CFAP299: variants seen among roughly 807,000 people sequenced by gnomAD.
CFAP299 encodes cilia and flagella associated protein 299.
A neutral mutation model predicts 27.0 loss-of-function variants in CFAP299; 21 were observed. That is an observed-to-expected ratio of 0.78 (90% confidence interval 0.55 to 1.12). CFAP299 has a LOEUF of 1.12. Among genes scored for constraint, CFAP299 ranks in the 50% most tolerant of loss-of-function variants. The pLI, the probability that CFAP299 is intolerant of heterozygous loss-of-function variation, is 0.00. For synonymous variants in CFAP299, 104 were observed against 98.1 expected, an observed-to-expected ratio of 1.06 and a Z score of -0.36; for missense variants, 310 against 276.6, an observed-to-expected ratio of 1.12 and a Z score of -0.86.
chr4:80,565,254 G>C (rs1254600828), intron 2 of CFAP299, among the ~76,000 whole-genome samples: 1 of 151,996 alleles, frequency 6.6e-6, no homozygotes, highest in East Asian at 1.9e-4. Context: ...CAGCAGCTGA[G>C]TGACTAACCT....
chr4:80,899,920 C>G (rs1331009547), intron 4 of CFAP299, among the ~76,000 whole-genome samples: 1 of 151,990 alleles, frequency 6.6e-6, no homozygotes, highest in East Asian at 1.9e-4. Context: ...AAGAGATGAA[C>G]ATTAAGAAAT....
intron 3 of CFAP299, among the ~76,000 whole-genome samples, chr4:80,777,814 C>T (rs2110088591): frequency 6.6e-6 from 1 of 152,154 alleles, no homozygotes; most frequent in Non-Finnish European, 1.5e-5. Context: ...GATAATACAA[C>T]ATTTATGATT....
intron 3 of CFAP299, among the ~76,000 whole-genome samples, chr4:80,655,501 G>A (rs1740509396): frequency 6.6e-6 from 1 of 152,114 alleles, no homozygotes; most frequent in Non-Finnish European, 1.5e-5. Flanking sequence ...CTGCAGCTGT[G>A]TTGGCTCCAC....
intron 3 of CFAP299, among the ~76,000 whole-genome samples, chr4:80,809,961 T>C (rs1729060987): frequency 6.6e-6 from 1 of 152,078 alleles, no homozygotes; most frequent in African/African-American, 2.4e-5. Flanking sequence ...TCTTTACCCA[T>C]AAAGTGAATG....
chr4:80,330,848 G>C (rs1721915944), upstream of CFAP299, among the ~76,000 whole-genome samples: 1 of 152,104 alleles, frequency 6.6e-6, no homozygotes, highest in Non-Finnish European at 1.5e-5. Context: ...TATAGAAAAA[G>C]CATTTTATTC....
chr4:80,859,592 T>G (rs996922638), intron 3 of CFAP299, among the ~76,000 whole-genome samples: 3 of 152,198 alleles, frequency 2.0e-5, no homozygotes, highest in African/African-American at 4.8e-5. Flanking sequence ...AGGAACTCTT[T>G]TAGGGCAGGC....
intron 2 of CFAP299, among the ~76,000 whole-genome samples, chr4:80,474,539 C>T (rs1730175447): frequency 6.6e-6 from 1 of 152,124 alleles, no homozygotes; most frequent in African/African-American, 2.4e-5. Flanking sequence ...TTCCACATCT[C>T]CCCATTCAGA....
chr4:80,591,135 T>A (rs1736753197), intron 3 of CFAP299, among the ~76,000 whole-genome samples: 1 of 144,342 alleles, frequency 6.9e-6, no homozygotes, highest in African/African-American at 2.5e-5. Context: ...TTTTTTTATT[T>A]TTTTTTGAGA....
chr4:80,578,430 GA>G (rs1414574124), intron 2 of CFAP299, among the ~76,000 whole-genome samples: 3 of 152,026 alleles, frequency 2.0e-5, no homozygotes, highest in African/African-American at 7.2e-5. Flanking sequence ...CTCTGCTTCG[GA>G]TAGCTTTGGA....
intron 2 of CFAP299, among the ~76,000 whole-genome samples, chr4:80,422,142 G>A (rs1009630981): frequency 1.3e-5 from 2 of 152,202 alleles, no homozygotes; most frequent in Non-Finnish European, 2.9e-5. Context: ...ATACTATCTT[G>A]TTTAATGTCT....
chr4:80,427,898 T>C (rs1304836448), intron 2 of CFAP299, among the ~76,000 whole-genome samples: 1 of 152,232 alleles, frequency 6.6e-6, no homozygotes, highest in African/African-American at 2.4e-5. Flanking sequence ...TTGATATTTA[T>C]TAATTTTTAT....
intron 3 of CFAP299, among the ~76,000 whole-genome samples, chr4:80,714,015 A>G (rs1451011413): frequency 6.6e-6 from 1 of 150,626 alleles, no homozygotes; most frequent in East Asian, 1.9e-4. Flanking sequence ...AGATAGTGGA[A>G]TATATATATA....
intron 4 of CFAP299, among the ~76,000 whole-genome samples, chr4:80,938,069 A>T (rs1737003577): frequency 6.6e-6 from 1 of 152,186 alleles, no homozygotes; most frequent in African/African-American, 2.4e-5. Context: ...ACACCTGTTT[A>T]TGATATATAT....
chr4:80,390,619 A>G (rs1313284520), intron 2 of CFAP299, among the ~76,000 whole-genome samples: 4 of 119,316 alleles, frequency 3.4e-5, no homozygotes, highest in Non-Finnish European at 7.6e-5. Context: ...ACATATGTAT[A>G]TATGTATATA....
chr4:80,523,232 T>C (rs952557174), intron 2 of CFAP299, among the ~76,000 whole-genome samples: 1 of 152,192 alleles, frequency 6.6e-6, no homozygotes, highest in Non-Finnish European at 1.5e-5. Flanking sequence ...AGTATTTTAT[T>C]ATTTCTGATG....
chr4:80,427,092 G>T (rs527804314), intron 2 of CFAP299, among the ~76,000 whole-genome samples: 1 of 152,042 alleles, frequency 6.6e-6, no homozygotes. Context: ...TGAGGAAAAC[G>T]GGATATCACA....
intron 4 of CFAP299, among the ~76,000 whole-genome samples, chr4:80,902,459 CATATATGT>C (rs1379131885): frequency 6.1e-4 from 70 of 114,318 alleles, no homozygotes; most frequent in South Asian, 8.7e-4. Context: ...TACATATATA[CATATATGT>C]ATATATGTAT....
chr4:80,343,615 C>T (rs1722574133), intron 1 of CFAP299, among the ~76,000 whole-genome samples: 1 of 151,762 alleles, frequency 6.6e-6, no homozygotes. Flanking sequence ...AGGTGAAACC[C>T]CGTCTCTACT....
At chr4:80,859,783 G>A (rs139886950) in intron 3 of CFAP299, among the ~76,000 whole-genome samples, 1,831 of 152,268 alleles carry the variant, frequency 0.012, 28 homozygotes, top group South Asian at 0.067. Flanking sequence ...AAATCCGCTT[G>A]TTAGTCTGAT....
Sources: gnomAD v4.1 joint callset for allele counts (sites outside exome capture counted in the v4.1 genomes callset) on GRCh38, gnomAD v4.1.1 for gene constraint, MANE v1.5 for transcripts, NCBI Gene and HGNC (gene_info 2026-07-23, HGNC 2026-07-21) for gene names.